TTC33: variants seen among roughly 807,000 people sequenced by gnomAD.
TTC33 encodes the protein tetratricopeptide repeat domain 33.
A neutral mutation model predicts 29.4 loss-of-function variants in TTC33; 24 were observed. The observed-to-expected ratio is 0.82, with a 90% CI of 0.59 to 1.15. The LOEUF (loss-of-function observed/expected upper bound fraction) is 1.15. Ranked by LOEUF, TTC33 falls within the 50% of genes most tolerant of loss-of-function variation. The probability of loss-of-function intolerance (pLI) is 0.00; values close to 1 mark genes in which losing one functional copy is unlikely to be tolerated. For missense variants in TTC33, 286 were observed against 310.4 expected (o/e 0.92, Z 0.59); for synonymous variants, 107 against 100.3 (o/e 1.07, Z -0.40).
At chr5:40,748,841 A>G (rs1742845998) in intron 1 of TTC33, among the ~76,000 whole-genome samples, 1 of 152,256 alleles carries the variant, frequency 6.6e-6, no homozygotes, top group South Asian at 2.1e-4. Flanking sequence ...AAATTTTAAA[A>G]TAACAGATGC....
intron 2 of TTC33, among the ~76,000 whole-genome samples, chr5:40,744,487 G>GT (rs375739587): frequency 0.53 from 71,926 of 136,396 alleles, 19,057 homozygotes; most frequent in Admixed American, 0.61. Context: ...ACTCTTACCA[G>GT]TTTTTTTTTT....
At chr5:40,750,474 C>A (rs1176118567) in intron 1 of TTC33, among the ~76,000 whole-genome samples, 1 of 152,030 alleles carries the variant, frequency 6.6e-6, no homozygotes, top group Non-Finnish European at 1.5e-5. Flanking sequence ...AGGAGGATCA[C>A]CTGAGCCCAG....
rs1263256397 is a variant in TTC33, at chr5:40,712,595, G to A, written c.*3550C>T. Among the ~76,000 whole-genome samples the A allele has an allele frequency of 6.6e-6, 1 of 152,154 alleles. No homozygotes were observed. The highest frequency in any genetic ancestry group is 1.5e-5 in the Non-Finnish European group (1 of 68,022). ...TCTGCACAAGCACAAATCTCCCTTT[G>A]CAGAGGCAAAGAACTTTCACTGCAA... On this transcript the variant is annotated 3_prime_UTR_variant, in exon 5 of 5. Coordinates refer to ENST00000337702, the MANE Select transcript of TTC33 (RefSeq NM_012382.3).
intron 3 of TTC33, among the ~76,000 whole-genome samples, chr5:40,728,919 G>A (rs1402849589): frequency 6.6e-6 from 1 of 152,092 alleles, no homozygotes; most frequent in Non-Finnish European, 1.5e-5. Flanking sequence ...ACATTCCCTA[G>A]GCCTTCTCAC....
At chr5:40,732,937 G>A (rs1008156622) in intron 2 of TTC33, among the ~76,000 whole-genome samples, 1 of 151,960 alleles carries the variant, frequency 6.6e-6, no homozygotes, top group African/African-American at 2.4e-5. Flanking sequence ...TACCTCATTT[G>A]TCCTACCTTC....
intron 1 of TTC33, among the ~76,000 whole-genome samples, chr5:40,752,504 T>C (rs922619830): frequency 2.0e-5 from 3 of 152,230 alleles, no homozygotes; most frequent in African/African-American, 7.2e-5. Flanking sequence ...ATTGTAGGAT[T>C]AACTGGCCTA....
chr5:40,721,454 C>T (rs1434832727), intron 4 of TTC33, among the ~76,000 whole-genome samples: 1 of 152,134 alleles, frequency 6.6e-6, no homozygotes, highest in Non-Finnish European at 1.5e-5. Flanking sequence ...TAAATCCACA[C>T]CCAACATGGT....
chr5:40,718,737 C>T (rs919306003), intron 4 of TTC33, among the ~76,000 whole-genome samples: 2 of 146,576 alleles, frequency 1.4e-5, no homozygotes, highest in African/African-American at 2.5e-5. Context: ...GATTCCGTCT[C>T]GAAAAAAAAA....
chr5:40,730,100 G>T (rs1411276077), intron 3 of TTC33, among the ~76,000 whole-genome samples, 162 bp downstream of exon 3: 1 of 152,168 alleles, frequency 6.6e-6, no homozygotes, highest in Non-Finnish European at 1.5e-5. Flanking sequence ...CCAGTTTTAT[G>T]CATAAGACAG....
At chr5:40,755,514 C>G (rs1195405231) in intron 1 of TTC33, among the ~76,000 whole-genome samples, 2 of 152,230 alleles carry the variant, frequency 1.3e-5, no homozygotes, top group African/African-American at 4.8e-5. Flanking sequence ...TCGTCCCGCC[C>G]GTCCCACCGC....
intron 1 of TTC33, among the ~76,000 whole-genome samples, chr5:40,753,575 T>C (rs1265959334): frequency 6.6e-6 from 1 of 152,066 alleles, no homozygotes; most frequent in Non-Finnish European, 1.5e-5. Flanking sequence ...AAGATGACTA[T>C]GAGTATTGTA....
intron 4 of TTC33, among the ~76,000 whole-genome samples, chr5:40,725,843 T>TGG (rs1742270052): frequency 6.7e-6 from 1 of 149,652 alleles, no homozygotes; most frequent in South Asian, 2.1e-4. Flanking sequence ...TGGAGTGCAG[T>TGG]GGCGCGATCT....
chr5:40,755,412 T>C lies in TTC33; in HGVS notation c.-2+412A>G, dbSNP rs181106414. Among the ~76,000 whole-genome samples the C allele has an allele frequency of 4.2e-3, 632 of 152,256 alleles. 3 individuals are homozygous for C. The highest frequency in any genetic ancestry group is 0.015 in the African/African-American group (606 of 41,544). On this transcript the variant is annotated intron_variant, in intron 1 of 4. Coordinates refer to ENST00000337702, the MANE Select transcript of TTC33 (RefSeq NM_012382.3). ...CTTTCCCTTCATCGGTCAACAATAA[T>C]AAAAACGCTCAGAAAGGCTGCCCCG...
At chr5:40,726,034 C>T (rs975309463) in intron 4 of TTC33, among the ~76,000 whole-genome samples, 3 of 151,922 alleles carry the variant, frequency 2.0e-5, no homozygotes, top group Non-Finnish European at 4.4e-5. Context: ...ATCCGCCCGC[C>T]TCGGCCTCCC....
intron 2 of TTC33, among the ~76,000 whole-genome samples, chr5:40,745,931 T>C (rs1207562607): frequency 6.6e-6 from 1 of 152,018 alleles, no homozygotes; most frequent in Non-Finnish European, 1.5e-5. Context: ...AGATTTGAAA[T>C]TTTTTCAAAA....
chr5:40,748,157 G>A (rs548785235), intron 1 of TTC33, among the ~76,000 whole-genome samples: 2 of 152,006 alleles, frequency 1.3e-5, no homozygotes, highest in South Asian at 4.2e-4. Flanking sequence ...TAGGAGGAAT[G>A]GGAACACCGA....
chr5:40,751,503 C>T (rs983336966), intron 1 of TTC33, among the ~76,000 whole-genome samples: 41 of 152,276 alleles, frequency 2.7e-4, no homozygotes, highest in African/African-American at 8.9e-4. Flanking sequence ...ATTTTGAGAA[C>T]GGTAAATAGA....
chr5:40,738,574 TAAA>T (rs1742622212), intron 2 of TTC33, among the ~76,000 whole-genome samples: 9 of 137,014 alleles, frequency 6.6e-5, no homozygotes, highest in African/African-American at 1.4e-4. Context: ...AAATATAAAA[TAAA>T]ATAAAATAAA....
At chr5:40,755,777 A>ACATC (rs1359722457) in intron 1 of TTC33, 47 bp downstream of exon 1, 1 of 152,346 alleles carries the variant, frequency 6.6e-6, no homozygotes, top group Non-Finnish European at 1.5e-5. Flanking sequence ...CCCCGTGTTT[A>ACATC]CATTCTTTCC....
Sources: allele counts gnomAD v4.1 joint callset (sites outside exome capture counted in the v4.1 genomes callset), GRCh38; gene constraint gnomAD v4.1.1; transcripts MANE v1.5; gene names NCBI Gene and HGNC (gene_info 2026-07-23, HGNC 2026-07-21).